The following CORO2B variants were observed in gnomAD, a reference collection of about 807,000 sequenced individuals.
CORO2B encodes the protein coronin-2B.
CORO2B carries 26 observed loss-of-function variants against 58.8 expected under a neutral mutation model. The ratio of observed to expected loss-of-function variants is 0.44; its 90% confidence interval spans 0.32 to 0.61. The LOEUF is 0.61. CORO2B is among the 20% of genes least tolerant of loss of function. The pLI is 0.04. For synonymous variants in CORO2B, 242 were observed against 253.8 expected, an observed-to-expected ratio of 0.95 and a Z score of 0.44; for missense variants, 460 against 645.1, an observed-to-expected ratio of 0.71 and a Z score of 3.11.
At chr15:68,584,906 G>T (rs1197906028) in intron 1 of CORO2B, among the ~76,000 whole-genome samples, 1 of 150,788 alleles carries the variant, frequency 6.6e-6, no homozygotes, top group African/African-American at 2.4e-5. Flanking sequence ...TGTTTAGAAT[G>T]AGCCTCTCCT....
chr15:68,723,736 C>A (rs1475154245), intron 11 of CORO2B, among the ~76,000 whole-genome samples: 1 of 152,076 alleles, frequency 6.6e-6, no homozygotes, highest in Non-Finnish European at 1.5e-5. Flanking sequence ...CAGGCGTGAG[C>A]CACCGTGCCC....
intron 9 of CORO2B, 80 bp downstream of exon 9, chr15:68,718,890 G>A: frequency 1.6e-6 from 2 of 1,258,224 alleles, no homozygotes; most frequent in South Asian, 1.2e-5. Context: ...TGACCCTGGA[G>A]AAACCCAGGT....
At chr15:68,613,875 C>A (rs1183187467) in intron 1 of CORO2B, among the ~76,000 whole-genome samples, 1 of 152,240 alleles carries the variant, frequency 6.6e-6, no homozygotes, top group Admixed American at 6.5e-5. Flanking sequence ...CAGTGTCCAA[C>A]TGCTGCTATT....
At chr15:68,576,165 A>AAAG (rs1170335360), upstream of CORO2B, among the ~76,000 whole-genome samples, 5 of 142,362 alleles carry the variant, frequency 3.5e-5, no homozygotes, top group Non-Finnish European at 7.4e-5. Flanking sequence ...AAAAAAAAAA[A>AAAG]AAAAAAAAAA....
chr15:68,546,758 T>G, the CORO2B span, among the ~76,000 whole-genome samples: 1 of 152,206 alleles, frequency 6.6e-6, no homozygotes, highest in African/African-American at 2.4e-5. Flanking sequence ...CCTTCTTGTC[T>G]TATGATGACC....
the CORO2B span, among the ~76,000 whole-genome samples, chr15:68,569,671 G>T: frequency 2.1e-4 from 32 of 152,314 alleles, no homozygotes; most frequent in Middle Eastern, 6.8e-3. Context: ...ACGATTGCTG[G>T]ATCATATGGT....
intron 1 of CORO2B, among the ~76,000 whole-genome samples, chr15:68,624,620 G>T (rs999073616): frequency 2.0e-5 from 3 of 151,720 alleles, no homozygotes; most frequent in African/African-American, 7.3e-5. Flanking sequence ...AGTTCCTGGG[G>T]TCCATGCCCA....
chr15:68,608,205 G>A (rs1027351581), intron 1 of CORO2B, among the ~76,000 whole-genome samples: 1 of 152,272 alleles, frequency 6.6e-6, no homozygotes, highest in African/African-American at 2.4e-5. Context: ...GGCCACTGCA[G>A]GCCCACAGGC....
At chr15:68,619,816 A>G (rs1364223111) in intron 1 of CORO2B, among the ~76,000 whole-genome samples, 1 of 151,480 alleles carries the variant, frequency 6.6e-6, no homozygotes, top group East Asian at 1.9e-4. Flanking sequence ...GACCAGATAA[A>G]CTCTAGGTCT....
In CORO2B at chr15:68,648,071, G is replaced by A. The variant is rs1454146971; in HGVS notation, c.216+2711G>A. 4.7e-5 allele frequency among the ~76,000 whole-genome samples: 7 copies of A among 147,658 alleles called. No homozygotes were observed. The South Asian group carries it at 1.1e-3, about 23-fold the overall frequency. The stretch of plus-strand genomic sequence containing the variant: ...AAAGAGTCTGGGCATGGTGGCTCAC[G>A]CCTATAATCCCAGCACTTTGGGAGG... On this transcript the variant is annotated intron_variant, in intron 2 of 11. Transcript: ENST00000261861.
chr15:68,693,926 C>T (rs1419386515), intron 2 of CORO2B, among the ~76,000 whole-genome samples: 1 of 152,210 alleles, frequency 6.6e-6, no homozygotes, highest in Non-Finnish European at 1.5e-5. Flanking sequence ...ACCTCCGCCT[C>T]CTGGGTTCAA....
At chr15:68,692,311 A>T (rs1892397507) in intron 2 of CORO2B, among the ~76,000 whole-genome samples, 1 of 152,174 alleles carries the variant, frequency 6.6e-6, no homozygotes, top group Non-Finnish European at 1.5e-5. Flanking sequence ...TTTAAAAATC[A>T]TATTCAGCTG....
chr15:68,711,459 G>A, intron 4 of CORO2B, 83 bp from the exon 5 acceptor site: 1 of 1,293,768 alleles, frequency 7.7e-7, no homozygotes, highest in Non-Finnish European at 1.1e-6. Flanking sequence ...GCTTCTCCCA[G>A]GGCAGTCAAG....
chr15:68,567,908 T>C, the CORO2B span, among the ~76,000 whole-genome samples: 1 of 152,142 alleles, frequency 6.6e-6, no homozygotes, highest in Non-Finnish European at 1.5e-5. Flanking sequence ...TAATCCCAGC[T>C]ACTTGGGAGC....
chr15:68,574,974 T>C (rs989315925), upstream of CORO2B, among the ~76,000 whole-genome samples: 5 of 152,286 alleles, frequency 3.3e-5, no homozygotes, highest in African/African-American at 9.6e-5. Context: ...AACGTCTTAT[T>C]TACCCCACAA....
rs1442797326 is a variant in CORO2B at position 68,710,604 on chromosome 15, C to T, written c.334-128C>T. On this transcript the variant is annotated intron_variant, in intron 3 of 11. Transcript: ENST00000261861. This position sits in a 1 kb window ranked among gnomAD's most constrained non-coding sequence, Gnocchi z 4.1. ...CAGGCCTCAGTCGAGCTTTGCCCAT[C>T]GCCTCAAGCCAGGAGGTGGCTCATC... 5.2e-5 allele frequency: 59 copies of T among 1,131,328 alleles called. No homozygotes were observed. Among genetic ancestry groups the T allele is most frequent in the South Asian group, 5.2e-4 (27 of 51,858 alleles). 70.1% of individuals were successfully genotyped at this position (1,131,328 alleles called of 1,614,324 possible).
chr15:68,526,719 G>A, the CORO2B span, among the ~76,000 whole-genome samples: 4 of 152,236 alleles, frequency 2.6e-5, no homozygotes, highest in South Asian at 8.3e-4. Context: ...TACTGAAGAT[G>A]TTTTTCAAAG....
chr15:68,677,906 T>C (rs559158717), intron 2 of CORO2B, among the ~76,000 whole-genome samples: 1 of 152,272 alleles, frequency 6.6e-6, no homozygotes, highest in East Asian at 1.9e-4. Flanking sequence ...AGCCACAGGC[T>C]CTCTGCAGCC....
At chr15:68,532,546 A>G in the CORO2B span, among the ~76,000 whole-genome samples, 1 of 152,174 alleles carries the variant, frequency 6.6e-6, no homozygotes, top group African/African-American at 2.4e-5. Context: ...GTCCTTGAAC[A>G]TATTGAGCAG....
Sources: allele counts gnomAD v4.1 joint callset (sites outside exome capture counted in the v4.1 genomes callset), GRCh38; gene constraint gnomAD v4.1.1; non-coding constraint Gnocchi (gnomAD v3.1); transcripts MANE v1.5; gene names NCBI Gene and HGNC (gene_info 2026-07-23, HGNC 2026-07-21).